The following PGBD2 variants were observed in gnomAD, a reference collection of about 807,000 sequenced individuals.
PGBD2 encodes the protein piggyBac transposable element-derived protein 2.
A neutral mutation model predicts 8.1 loss-of-function variants in PGBD2; 6 were observed. The observed-to-expected ratio is 0.74, with a 90% CI of 0.40 to 1.46. The LOEUF is 1.46. PGBD2 is among the 40% of genes most tolerant of loss of function. The probability of loss-of-function intolerance (pLI) is 0.02; values close to 1 mark genes in which losing one functional copy is unlikely to be tolerated. For missense variants in PGBD2, 802 were observed against 739.0 expected (o/e 1.09, Z -0.99); for synonymous variants, 318 against 272.2 (o/e 1.17, Z -1.66).
chr1:248,908,917 A>T lies in PGBD2; in HGVS notation c.-48+2575A>T, dbSNP rs115064880. ...CTCTCCATCATTTTGTCTTTTCCTC[A>T]GGGAGATATTCTCTGACCTCCCTGA... On this transcript the variant is annotated intron_variant, in intron 1 of 2. Transcript: ENST00000329291. 8.3e-3 allele frequency among the ~76,000 whole-genome samples: 1,268 copies of T among 152,088 alleles called. 20 individuals are homozygous for T. The highest frequency in any genetic ancestry group is 0.029 in the African/African-American group (1,221 of 41,480).
chr1:248,895,543 C>T, the PGBD2 span, among the ~76,000 whole-genome samples: 1 of 151,214 alleles, frequency 6.6e-6, no homozygotes, highest in Non-Finnish European at 1.5e-5. Context: ...TTAAGGCTTG[C>T]AGGGTATTTT....
At chr1:248,914,564 G>A (rs1159934895) in intron 2 of PGBD2, 4 of 1,289,278 alleles carry the variant, frequency 3.1e-6, no homozygotes, top group Admixed American at 4.6e-5. Flanking sequence ...GGGCAGGTCT[G>A]TACTGATGCA....
the PGBD2 span, among the ~76,000 whole-genome samples, chr1:248,874,930 A>G: frequency 6.6e-6 from 1 of 150,588 alleles, no homozygotes; most frequent in African/African-American, 2.5e-5. Flanking sequence ...AGATAGATAG[A>G]TAGATAGATA....
the PGBD2 span, among the ~76,000 whole-genome samples, chr1:248,874,211 T>C: frequency 6.6e-6 from 1 of 152,218 alleles, no homozygotes; most frequent in East Asian, 1.9e-4. Context: ...AGGATATTTA[T>C]TTAGTATAGC....
At chr1:248,926,148 T>A in the PGBD2 span, among the ~76,000 whole-genome samples, 1 of 152,058 alleles carries the variant, frequency 6.6e-6, no homozygotes, top group South Asian at 2.1e-4. Context: ...GGTGATGCCC[T>A]GAAATTCAGC....
chr1:248,879,030 T>C, the PGBD2 span, among the ~76,000 whole-genome samples: 1 of 152,240 alleles, frequency 6.6e-6, no homozygotes, highest in Non-Finnish European at 1.5e-5. Context: ...CAATTAGCTA[T>C]ATGCCTTTTA....
chr1:248,875,308 C>CAAAAAAAAAA, the PGBD2 span, among the ~76,000 whole-genome samples: 46 of 110,264 alleles, frequency 4.2e-4, no homozygotes, highest in Non-Finnish European at 5.1e-4. Context: ...AAAAACAAAA[C>CAAAAAAAAAA]AAAAAAAAAA....
the PGBD2 span, among the ~76,000 whole-genome samples, chr1:248,891,299 C>T: frequency 7.0e-4 from 107 of 152,220 alleles, 1 homozygote; most frequent in Non-Finnish European, 1.2e-4. Context: ...CTCTACAAAT[C>T]CAATTTGAGG....
At chr1:248,912,947 C>T (rs990833838) in intron 1 of PGBD2, among the ~76,000 whole-genome samples, 1 of 151,882 alleles carries the variant, frequency 6.6e-6, no homozygotes, top group Non-Finnish European at 1.5e-5. Context: ...GGATTACAGG[C>T]ATGTGCCACC....
the PGBD2 span, among the ~76,000 whole-genome samples, chr1:248,875,325 A>AAAAAG: frequency 6.9e-6 from 1 of 145,418 alleles, no homozygotes; most frequent in African/African-American, 2.8e-5. Context: ...AAAAAAAAAA[A>AAAAAG]AAAGAAAAGA....
At chr1:248,887,725 A>G in the PGBD2 span, among the ~76,000 whole-genome samples, 2 of 152,198 alleles carry the variant, frequency 1.3e-5, no homozygotes, top group Non-Finnish European at 2.9e-5. Flanking sequence ...GTTTATCATT[A>G]GGTTGTGGCA....
At chr1:248,925,738 C>G in the PGBD2 span, among the ~76,000 whole-genome samples, 1 of 151,800 alleles carries the variant, frequency 6.6e-6, no homozygotes, top group Non-Finnish European at 1.5e-5. Flanking sequence ...CAGAAATAGA[C>G]AGACAGAGAA....
the PGBD2 span, among the ~76,000 whole-genome samples, chr1:248,887,026 C>T: frequency 6.6e-6 from 1 of 152,036 alleles, no homozygotes; most frequent in African/African-American, 2.4e-5. Flanking sequence ...TGTTTTTATG[C>T]ATGCATATGT....
chr1:248,908,102 T>A (rs1305054916), intron 1 of PGBD2, among the ~76,000 whole-genome samples: 2 of 152,242 alleles, frequency 1.3e-5, no homozygotes, highest in Non-Finnish European at 2.9e-5. Context: ...TATTAACACC[T>A]ACAGGCCTTA....
the PGBD2 span, among the ~76,000 whole-genome samples, chr1:248,885,274 A>G: frequency 4.0e-5 from 6 of 151,608 alleles, no homozygotes; most frequent in Non-Finnish European, 7.4e-5. Flanking sequence ...AGCTAGGACT[A>G]CAGGCATGAG....
At chr1:248,921,095 G>T (rs6672368), downstream of PGBD2, among the ~76,000 whole-genome samples, 287 of 152,080 alleles carry the variant, frequency 1.9e-3, 1 homozygote, top group African/African-American at 6.7e-3. Flanking sequence ...TAGGTTGCCT[G>T]TTCAGTCTGA....
chr1:248,896,167 C>T, the PGBD2 span, among the ~76,000 whole-genome samples: 32 of 152,136 alleles, frequency 2.1e-4, no homozygotes, highest in African/African-American at 5.8e-4. Context: ...GTCTTCAACT[C>T]CATCCAAGTT....
intron 1 of PGBD2, among the ~76,000 whole-genome samples, chr1:248,910,818 C>T (rs1038745095): frequency 1.3e-5 from 2 of 152,012 alleles, no homozygotes; most frequent in Non-Finnish European, 2.9e-5. Context: ...TCTCACAAGC[C>T]ATAGAGGAAT....
chr1:248,910,320 C>G (rs1451465184), intron 1 of PGBD2, among the ~76,000 whole-genome samples: 1 of 152,152 alleles, frequency 6.6e-6, no homozygotes, highest in Non-Finnish European at 1.5e-5. Flanking sequence ...GTTTTTAAAC[C>G]ATATTTGGCT....
Sources: gnomAD v4.1 joint callset for allele counts (sites outside exome capture counted in the v4.1 genomes callset) on GRCh38, gnomAD v4.1.1 for gene constraint, MANE v1.5 for transcripts, NCBI Gene and HGNC (gene_info 2026-07-23, HGNC 2026-07-21) for gene names.